The following SLC8A3 variants were observed in gnomAD, a reference collection of about 807,000 sequenced individuals.
SLC8A3 encodes the protein solute carrier family 8 member A3.
Under a neutral mutation model 65.4 loss-of-function variants are expected in SLC8A3, and 37 were observed. That is an observed-to-expected ratio of 0.57 (90% confidence interval 0.44 to 0.74). The LOEUF is 0.74. Ranked by LOEUF, SLC8A3 falls within the 30% of genes least tolerant of loss-of-function variation. SLC8A3 has a pLI of 0.00. For missense variants in SLC8A3, 1,112 were observed against 1,172.1 expected, an observed-to-expected ratio of 0.95 and a Z score of 0.75; for synonymous variants, 461 against 444.5, an observed-to-expected ratio of 1.04 and a Z score of -0.47.
intron 2 of SLC8A3, among the ~76,000 whole-genome samples, chr14:70,108,240 A>G (rs1034943198): frequency 6.6e-6 from 1 of 152,072 alleles, no homozygotes; most frequent in Non-Finnish European, 1.5e-5. Flanking sequence ...TCATTTGCAA[A>G]ATCCAACTGA....
At chr14:70,149,212 C>T (rs1187458022) in intron 2 of SLC8A3, among the ~76,000 whole-genome samples, 2 of 152,158 alleles carry the variant, frequency 1.3e-5, no homozygotes, top group African/African-American at 4.8e-5. Flanking sequence ...AAAATGAAGG[C>T]AAGGGTGACT....
At chr14:70,169,354 C>T (rs1897350086) in intron 1 of SLC8A3, among the ~76,000 whole-genome samples, 1 of 152,186 alleles carries the variant, frequency 6.6e-6, no homozygotes, top group South Asian at 2.1e-4. Context: ...CCAGTAAAAC[C>T]TGCTTATGAG....
chr14:70,142,165 A>G (rs1461733759), intron 2 of SLC8A3, among the ~76,000 whole-genome samples: 2 of 152,240 alleles, frequency 1.3e-5, no homozygotes, highest in Non-Finnish European at 2.9e-5. Context: ...CAGGCCTGAT[A>G]TGGAGGGTGA....
At chr14:70,177,746 T>A (rs1566835954) in intron 1 of SLC8A3, among the ~76,000 whole-genome samples, 1 of 152,170 alleles carries the variant, frequency 6.6e-6, no homozygotes, top group African/African-American at 2.4e-5. Flanking sequence ...GGCCAAGGAA[T>A]GTGGGCATTC....
chr14:70,087,932 A>G (rs971895153), intron 2 of SLC8A3, among the ~76,000 whole-genome samples: 4 of 152,266 alleles, frequency 2.6e-5, no homozygotes, highest in African/African-American at 9.6e-5. Context: ...CTGTCCACCA[A>G]GAGATTGAAA....
chr14:70,069,520 G>A lies in SLC8A3; in HGVS notation c.1785-8581C>T, dbSNP rs567662888. Among the ~76,000 whole-genome samples the A allele has an allele frequency of 5.9e-5, 9 of 152,312 alleles. No individual in the cohort carries two copies. The South Asian group carries it at 1.0e-3, about 18-fold the overall frequency. ...TGGACCGAGCAGGTGGAGGAGCTGC[G>A]AACCTTTCCATGGGAGCTTTCAGAA... On this transcript the variant is annotated intron_variant, in intron 2 of 6. Transcript: ENST00000356921.
intron 2 of SLC8A3, among the ~76,000 whole-genome samples, chr14:70,150,034 C>T (rs1896164601): frequency 6.6e-6 from 1 of 152,186 alleles, no homozygotes; most frequent in African/African-American, 2.4e-5. Context: ...TTCCTAAAAG[C>T]TAATCCCGGG....
At chr14:70,142,947 C>A (rs1212326695) in intron 2 of SLC8A3, among the ~76,000 whole-genome samples, 1 of 152,162 alleles carries the variant, frequency 6.6e-6, no homozygotes, top group Non-Finnish European at 1.5e-5. Flanking sequence ...AGGTCTAGGG[C>A]TGTACTCATT....
chr14:70,122,650 T>G (rs1008623497), intron 2 of SLC8A3, among the ~76,000 whole-genome samples: 2 of 152,124 alleles, frequency 1.3e-5, no homozygotes, highest in African/African-American at 4.8e-5. Flanking sequence ...ATTTAATAAA[T>G]GTAAACTAAG....
In SLC8A3 at chr14:70,145,361, A is replaced by T. The variant is rs74063894; in HGVS notation, c.1784+21278T>A. Reference sequence around the variant, plus strand: ...CTGAATTTCATATACCTCCATTATTAAATTCAATACATCATTGCAGAGAAA... The same window carrying T: ...CTGAATTTCATATACCTCCATTATTTAATTCAATACATCATTGCAGAGAAA... On this transcript the variant is annotated intron_variant, in intron 2 of 6. Coordinates refer to ENST00000356921, the MANE Select transcript of SLC8A3 (RefSeq NM_182932.3). Among the ~76,000 whole-genome samples, 1,428 of 152,318 alleles carry T rather than the reference A, an allele frequency of 9.4e-3. 19 individuals carry two copies. The highest frequency in any genetic ancestry group is 0.032 in the African/African-American group (1,313 of 41,568).
intron 1 of SLC8A3, among the ~76,000 whole-genome samples, chr14:70,177,837 C>T (rs1897999905): frequency 1.3e-5 from 2 of 152,080 alleles, no homozygotes; most frequent in Non-Finnish European, 2.9e-5. Flanking sequence ...GATAGGCAAC[C>T]TAGAGTGATG....
intron 2 of SLC8A3, among the ~76,000 whole-genome samples, chr14:70,103,330 T>A (rs940714602): frequency 1.3e-5 from 2 of 152,012 alleles, no homozygotes; most frequent in African/African-American, 4.8e-5. Context: ...CAGATAAGAC[T>A]GAAACAGGTA....
At chr14:70,146,728 T>C (rs1895948941) in intron 2 of SLC8A3, among the ~76,000 whole-genome samples, 1 of 152,226 alleles carries the variant, frequency 6.6e-6, no homozygotes, top group African/African-American at 2.4e-5. Flanking sequence ...TTTTGCAGTC[T>C]CTTTAGTGCT....
chr14:70,141,905 G>A (rs73276776), intron 2 of SLC8A3, among the ~76,000 whole-genome samples: 9,844 of 152,144 alleles, frequency 0.065, 375 homozygotes, highest in African/African-American at 0.098. Context: ...TTTGTAACCC[G>A]TTTCTCTGAA....
At chr14:70,141,517 G>A (rs1402671747) in intron 2 of SLC8A3, among the ~76,000 whole-genome samples, 1 of 152,200 alleles carries the variant, frequency 6.6e-6, no homozygotes, top group South Asian at 2.1e-4. Context: ...TTGGAGCTTA[G>A]TCAGTTCCTG....
intron 2 of SLC8A3, among the ~76,000 whole-genome samples, chr14:70,108,277 G>A (rs2140131455): frequency 6.6e-6 from 1 of 152,198 alleles, no homozygotes; most frequent in South Asian, 2.1e-4. Flanking sequence ...AAAAGGGCCT[G>A]TAGTCCCAGC....
chr14:70,166,571 A>G (rs1897170686), intron 2 of SLC8A3, 68 bp downstream of exon 2: 3 of 910,540 alleles, frequency 3.3e-6, no homozygotes, highest in Non-Finnish European at 5.2e-6. Flanking sequence ...AAAGTGCAGT[A>G]CAGAAAGACA....
intron 1 of SLC8A3, among the ~76,000 whole-genome samples, chr14:70,186,759 T>A (rs1883259414): frequency 2.0e-5 from 3 of 152,180 alleles, no homozygotes; most frequent in Admixed American, 6.5e-5. Context: ...CATCCTCCTT[T>A]GGAGACCTGC....
chr14:70,088,642 T>C (rs1453229578), intron 2 of SLC8A3, among the ~76,000 whole-genome samples: 5 of 152,040 alleles, frequency 3.3e-5, no homozygotes, highest in Non-Finnish European at 7.4e-5. Context: ...AACCTTTACT[T>C]TACCCATCCA....
Sources: allele counts gnomAD v4.1 joint callset (sites outside exome capture counted in the v4.1 genomes callset), GRCh38; gene constraint gnomAD v4.1.1; transcripts MANE v1.5; gene names NCBI Gene and HGNC (gene_info 2026-07-23, HGNC 2026-07-21).